Variants in MED24 observed in about 807,000 individuals in gnomAD.
MED24 encodes mediator of RNA polymerase II transcription subunit 24.
Under a neutral mutation model 118.8 loss-of-function variants are expected in MED24, and 74 were observed. That is an observed-to-expected ratio of 0.62 (90% CI 0.52 to 0.76). The LOEUF is 0.76. MED24 is among the 30% of genes least tolerant of loss of function. The probability of loss-of-function intolerance (pLI) is 0.00; values close to 1 mark genes in which losing one functional copy is unlikely to be tolerated. For synonymous variants in MED24, 521 were observed against 523.9 expected (o/e 0.99, Z 0.08); for missense variants, 1,041 against 1,278.9 (o/e 0.81, Z 2.84).
intron 3 of MED24, among the ~76,000 whole-genome samples, chr17:40,046,922 C>T (rs1486905704): frequency 6.6e-6 from 1 of 151,976 alleles, no homozygotes; most frequent in Non-Finnish European, 1.5e-5. Context: ...GCCTGGGCAA[C>T]ATAGGAAGAT....
At chr17:40,053,784 A>C (rs1045994688) in intron 1 of MED24, 149 bp from the exon 2 acceptor site, 31 of 1,046,904 alleles carry the variant, frequency 3.0e-5, no homozygotes, top group Non-Finnish European at 4.1e-5. Context: ...GGGATAAAGT[A>C]AGATCCTGTC....
Position 40,029,812 on chromosome 17 carries a change from G to A in MED24, c.1202C>T (p.Ala401Val), listed in dbSNP as rs1983152534. 1.2e-6 allele frequency: 2 copies of A among 1,614,074 alleles called. No individual in the cohort carries two copies. The highest frequency in any genetic ancestry group is 1.1e-5 in the South Asian group (1 of 91,090). ...HAPQQKSGENANIQPNIQLIL... is the reference protein window; with the variant it reads ...HAPQQKSGENVNIQPNIQLIL... ...CAGCTGGATGTTGGGCTGGATGTTG[G>A]CATTCTCTCCCGATTTCTGCTGGGG... The change falls in exon 13 of 26, where the codon GCC (alanine) becomes GTC (valine). Residue 401 changes from alanine to valine, a missense_variant. By Grantham distance (64) the Ala-to-Val change is moderately conservative. This residue lies in a region of MED24 where 434 missense variants were observed against 514.9 expected (regional missense o/e 0.84). Coordinates refer to ENST00000394128, the MANE Select transcript of MED24 (RefSeq NM_014815.4).
At chr17:40,023,738 A>C in intron 19 of MED24, 1 of 243,410 alleles carries the variant, frequency 4.1e-6, no homozygotes, top group Non-Finnish European at 7.9e-6. Flanking sequence ...ATAAATAAAC[A>C]CAATCACTTC....
chr17:40,026,308 C>T lies in MED24; in HGVS notation c.1833G>A (p.Gly611=), dbSNP rs1220162684. The part of the protein sequence containing the change: ...SIQKITDNIK[G]KVCSLAVCAV... ...CACACACCGCCAGACTGCATACCTT[C>T]CCTTTGATGTTATCAGTGATTTTCT... Residue 611 remains glycine, a synonymous_variant, in exon 19 of 26, where the codon GGG becomes GGA. Transcript: ENST00000394128. 6.2e-7 allele frequency: 1 copy of T among 1,614,020 alleles called. No homozygotes were observed. Among genetic ancestry groups the T allele is most frequent in the Non-Finnish European group, 8.5e-7 (1 of 1,179,910 alleles).
intron 10 of MED24, 82 bp from the exon 11 acceptor site, chr17:40,031,702 A>C: frequency 7.3e-7 from 1 of 1,364,812 alleles, no homozygotes; most frequent in Non-Finnish European, 1.0e-6. Flanking sequence ...TGCTGGAGGC[A>C]TCGGCCTGAG....
At chr17:40,032,203 T>C (rs1012576437) in intron 9 of MED24, 113 bp from the exon 10 acceptor site, 11 of 1,241,464 alleles carry the variant, frequency 8.9e-6, no homozygotes, top group Non-Finnish European at 1.2e-5. Flanking sequence ...GGAACACTCC[T>C]ACCCTGGGAG....
At chr17:40,023,062 G>T in intron 20 of MED24, 69 bp downstream of exon 20, 1 of 1,545,802 alleles carries the variant, frequency 6.5e-7, no homozygotes, top group South Asian at 1.2e-5. Context: ...AAGCCTGGCA[G>T]ACCAGGCCAG....
chr17:40,045,326 G>A (rs1035964361), intron 3 of MED24, among the ~76,000 whole-genome samples: 1 of 152,094 alleles, frequency 6.6e-6, no homozygotes, highest in Non-Finnish European at 1.5e-5. Flanking sequence ...GTACATGCCT[G>A]TAATCCCAGC....
intron 3 of MED24, among the ~76,000 whole-genome samples, chr17:40,047,508 A>T (rs1315500969): frequency 6.7e-6 from 1 of 150,184 alleles, no homozygotes; most frequent in Non-Finnish European, 1.5e-5. Context: ...AAAAATACAA[A>T]AAAACTGGCC....
At chr17:40,034,398 T>C (rs951242681) in intron 6 of MED24, among the ~76,000 whole-genome samples, 1 of 152,246 alleles carries the variant, frequency 6.6e-6, no homozygotes, top group African/African-American at 2.4e-5. Flanking sequence ...AACCAGGTCC[T>C]GAAGCCTCGA....
At chr17:40,036,674 G>C (rs562494438) in intron 3 of MED24, among the ~76,000 whole-genome samples, 1 of 127,408 alleles carries the variant, frequency 7.8e-6, no homozygotes. Flanking sequence ...GGAGCAGAGC[G>C]AGACTCTGTC....
At chr17:40,019,702 CA>C (rs750375433) in intron 25 of MED24, 57 bp from the exon 26 acceptor site, 888 of 1,585,644 alleles carry the variant, frequency 5.6e-4, no homozygotes, top group Non-Finnish European at 7.1e-4. Flanking sequence ...TGTGCTGTCC[CA>C]GGGGGAAGGA....
chr17:40,034,850 A>AGGGGGGGGGG, intron 6 of MED24: 1 of 379,388 alleles, frequency 2.6e-6, no homozygotes, highest in Non-Finnish European at 5.2e-6. Context: ...CTCCTTTGGT[A>AGGGGGGGGGG]GCCCCCCACC....
At chr17:40,052,408 T>C (rs1053869207) in intron 3 of MED24, among the ~76,000 whole-genome samples, 3 of 152,210 alleles carry the variant, frequency 2.0e-5, no homozygotes, top group Non-Finnish European at 4.4e-5. Flanking sequence ...CTGTACTCTA[T>C]CCTAACCTTT....
chr17:40,038,174 G>A (rs1167145553), intron 3 of MED24, among the ~76,000 whole-genome samples: 1 of 151,840 alleles, frequency 6.6e-6, no homozygotes, highest in Non-Finnish European at 1.5e-5. Context: ...TAAGTTCCCA[G>A]AGGACAGAGA....
At chr17:40,042,439 C>T (rs1193002580) in intron 3 of MED24, among the ~76,000 whole-genome samples, 2 of 152,272 alleles carry the variant, frequency 1.3e-5, no homozygotes, top group African/African-American at 4.8e-5. Flanking sequence ...CTTTCGGAGG[C>T]TGAGACAGAT....
rs1290657762 is a variant in MED24 at position 40,036,121 on chromosome 17, T to C, written c.247A>G (p.Ser83Gly). 5 of 1,612,282 alleles carry C rather than the reference T, an allele frequency of 3.1e-6. No homozygotes were observed. The African/African-American group carries it at 6.7e-5, about 22-fold the overall frequency. The change falls in exon 4 of 26, where the codon AGT becomes GGT. Residue 83 changes from serine to glycine, a missense_variant. Coordinates refer to ENST00000394128, the MANE Select transcript of MED24 (RefSeq NM_014815.4). ...CTGAGTGTCTATGGTCATACCTTAC[T>C]GATGGCTGTGAGGACAGAAGAGTAG... ...VSYSSVLTAISKFDDFSRDLC... is the reference protein window; with the variant it reads ...VSYSSVLTAIGKFDDFSRDLC...
intron 3 of MED24, among the ~76,000 whole-genome samples, chr17:40,036,686 C>CAAAAA (rs68118020): frequency 3.3e-5 from 3 of 91,396 alleles, no homozygotes; most frequent in Non-Finnish European, 6.4e-5. Flanking sequence ...GACTCTGTCT[C>CAAAAA]AAAAAAAAAA....
chr17:40,036,981 G>A (rs1313148308), intron 3 of MED24, among the ~76,000 whole-genome samples: 4 of 152,090 alleles, frequency 2.6e-5, no homozygotes, highest in Non-Finnish European at 5.9e-5. Context: ...AGGAGTTCAA[G>A]ACTAGCCTGG....
Sources: gnomAD v4.1 joint callset for allele counts (sites outside exome capture counted in the v4.1 genomes callset) on GRCh38, gnomAD v4.1.1 for gene constraint, gnomAD v4.1.1 regional missense constraint, MANE v1.5 for transcripts, NCBI Gene and HGNC (gene_info 2026-07-23, HGNC 2026-07-21) for gene names.